Variants in RBFOX1 observed in about 807,000 individuals in gnomAD.
RBFOX1 encodes the protein RNA binding fox-1 homolog 1, also known as RNA binding protein fox-1 homolog 1.
RBFOX1 carries 8 observed loss-of-function variants against 57.7 expected under a neutral mutation model. The observed-to-expected ratio is 0.14, with a 90% CI of 0.08 to 0.25. RBFOX1 has a LOEUF of 0.25. Among genes scored for constraint, RBFOX1 ranks in the 10% least tolerant of loss-of-function variants. The probability of loss-of-function intolerance (pLI) is 1.00; values close to 1 mark genes in which losing one functional copy is unlikely to be tolerated. For synonymous variants in RBFOX1, 326 were observed against 222.4 expected, an observed-to-expected ratio of 1.47 and a Z score of -4.15; for missense variants, 611 against 548.5, an observed-to-expected ratio of 1.11 and a Z score of -1.14.
chr16:6,764,649 T>A (rs745413597), intron 3 of RBFOX1, among the ~76,000 whole-genome samples: 6 of 152,048 alleles, frequency 3.9e-5, no homozygotes, highest in Non-Finnish European at 8.8e-5. Context: ...TAAGAGTAAA[T>A]GCATGGGCTG....
At chr16:6,088,161 A>G (rs1231107355) in intron 1 of RBFOX1, among the ~76,000 whole-genome samples, 27 of 152,236 alleles carry the variant, frequency 1.8e-4, no homozygotes, top group Admixed American at 1.7e-3. Context: ...GATTTACTCT[A>G]CCAGAAAACT....
intron 4 of RBFOX1, among the ~76,000 whole-genome samples, chr16:7,202,761 T>C (rs2088913868): frequency 1.3e-5 from 2 of 152,190 alleles, no homozygotes; most frequent in South Asian, 4.1e-4. Context: ...CCTGATGATC[T>C]GAAGTGGGAC....
At chr16:6,061,477 T>C (rs1001085438) in intron 1 of RBFOX1, among the ~76,000 whole-genome samples, 1 of 151,892 alleles carries the variant, frequency 6.6e-6, no homozygotes, top group Admixed American at 6.6e-5. Flanking sequence ...ACATCTATTT[T>C]CATTGTATAA....
intron 4 of RBFOX1, among the ~76,000 whole-genome samples, chr16:7,372,582 GGAA>G (rs1352318893): frequency 3.9e-5 from 6 of 152,150 alleles, no homozygotes; most frequent in South Asian, 2.1e-4. Context: ...ATCTGACTTA[GGAA>G]GAAGGAGTTT....
chr16:7,456,442 C>T (rs1201767723), intron 4 of RBFOX1, among the ~76,000 whole-genome samples: 2 of 152,200 alleles, frequency 1.3e-5, no homozygotes, highest in Non-Finnish European at 2.9e-5. Context: ...AAGTACTCAG[C>T]TGAAAAGCTG....
At chr16:7,445,725 T>C (rs2098802761) in intron 4 of RBFOX1, among the ~76,000 whole-genome samples, 1 of 152,222 alleles carries the variant, frequency 6.6e-6, no homozygotes, top group Non-Finnish European at 1.5e-5. Flanking sequence ...TTTTTGTTGT[T>C]GTTGTTTTTG....
intron 4 of RBFOX1, among the ~76,000 whole-genome samples, chr16:7,174,677 G>A (rs771604689): frequency 5.9e-5 from 9 of 152,216 alleles, no homozygotes; most frequent in Non-Finnish European, 8.8e-5. Flanking sequence ...CTACTCGGGA[G>A]TCTGAGGCAG....
chr16:5,394,041 C>T (rs558969799), intron 1 of RBFOX1, among the ~76,000 whole-genome samples: 7 of 151,708 alleles, frequency 4.6e-5, no homozygotes, highest in East Asian at 3.9e-4. Context: ...TCTTTTTTTC[C>T]GAGACAGTGT....
intron 4 of RBFOX1, among the ~76,000 whole-genome samples, chr16:7,171,112 C>T (rs1287742075): frequency 6.6e-6 from 1 of 152,220 alleles, no homozygotes; most frequent in Non-Finnish European, 1.5e-5. Context: ...CCCAAACCCT[C>T]TCCCTATGTC....
At chr16:7,159,860 A>G (rs2077928444) in intron 4 of RBFOX1, among the ~76,000 whole-genome samples, 1 of 152,178 alleles carries the variant, frequency 6.6e-6, no homozygotes, top group East Asian at 1.9e-4. Context: ...GAAAAATAAT[A>G]TTTGGCTTGG....
chr16:6,688,111 C>T (rs942867619), intron 3 of RBFOX1, among the ~76,000 whole-genome samples: 4 of 151,948 alleles, frequency 2.6e-5, no homozygotes, highest in African/African-American at 9.7e-5. Context: ...TTCATTGGCT[C>T]CGGGTTCAGC....
intron 1 of RBFOX1, among the ~76,000 whole-genome samples, chr16:5,367,691 C>G (rs1050117565): frequency 6.6e-6 from 1 of 152,200 alleles, no homozygotes; most frequent in Non-Finnish European, 1.5e-5. Flanking sequence ...CATGATTTCA[C>G]TTAATCTTCA....
chr16:5,762,642 A>T (rs569329016), intron 3 of RBFOX1, among the ~76,000 whole-genome samples: 3 of 152,216 alleles, frequency 2.0e-5, no homozygotes, highest in Non-Finnish European at 4.4e-5. Context: ...TGAAGAAGTA[A>T]GTGGTACTCA....
At chr16:6,621,770 A>C (rs1292282030) in intron 2 of RBFOX1, among the ~76,000 whole-genome samples, 1 of 152,236 alleles carries the variant, frequency 6.6e-6, no homozygotes, top group Non-Finnish European at 1.5e-5. Flanking sequence ...TAATCACTGC[A>C]GCTAGAAGGA....
intron 3 of RBFOX1, among the ~76,000 whole-genome samples, chr16:5,721,993 C>A (rs1287919475): frequency 6.6e-6 from 1 of 152,188 alleles, no homozygotes; most frequent in African/African-American, 2.4e-5. Flanking sequence ...GACCCCATAG[C>A]ACAATATTTT....
intron 4 of RBFOX1, among the ~76,000 whole-genome samples, chr16:5,952,092 T>A (rs1278869613): frequency 6.6e-6 from 1 of 150,416 alleles, no homozygotes; most frequent in Non-Finnish European, 1.5e-5. Context: ...TATATGCATA[T>A]ATATATATAC....
chr16:7,102,158 TACTC>T (rs1173018205), intron 4 of RBFOX1, among the ~76,000 whole-genome samples: 4 of 152,196 alleles, frequency 2.6e-5, no homozygotes, highest in Non-Finnish European at 5.9e-5. Flanking sequence ...ACACTCCTCT[TACTC>T]ACACTCATCG....
intron 2 of RBFOX1, among the ~76,000 whole-genome samples, chr16:5,548,158 T>TAAA (rs59117140): frequency 3.6e-5 from 3 of 82,462 alleles, no homozygotes; most frequent in African/African-American, 1.5e-4. Flanking sequence ...AAGACTCTGT[T>TAAA]AAAAAAAAAA....
rs143413791 is a variant in RBFOX1, at chr16:7,569,647, G to C, written c.271-10130G>C. On this transcript the variant is annotated intron_variant, in intron 5 of 15. Coordinates refer to ENST00000550418, the MANE Select transcript of RBFOX1 (RefSeq NM_018723.4). ...GGTATTAGAACCTTAACATCTTTAAGGGGTCATTATGTTGTTTTCCACAGA... is the reference window on the plus strand; with the variant it reads ...GGTATTAGAACCTTAACATCTTTAACGGGTCATTATGTTGTTTTCCACAGA... 5.4e-3 allele frequency among the ~76,000 whole-genome samples: 821 copies of C among 152,274 alleles called. 8 individuals carry two copies. Among genetic ancestry groups the C allele is most frequent in the African/African-American group, 0.019 (796 of 41,554 alleles).
Sources: allele counts gnomAD v4.1 joint callset (sites outside exome capture counted in the v4.1 genomes callset), GRCh38; gene constraint gnomAD v4.1.1; transcripts MANE v1.5; gene names NCBI Gene and HGNC (gene_info 2026-07-23, HGNC 2026-07-21).